SMAD9: variants seen among roughly 807,000 people sequenced by gnomAD.
SMAD9 encodes SMAD family member 9, also known as MAD homolog 9.
Under a neutral mutation model 46.1 loss-of-function variants are expected in SMAD9, and 36 were observed. The ratio of observed to expected loss-of-function variants is 0.78; its 90% CI spans 0.60 to 1.03. SMAD9 has a LOEUF of 1.03. Ranked by LOEUF, SMAD9 falls within the 50% of genes least tolerant of loss-of-function variation. The pLI, the probability that SMAD9 is intolerant of heterozygous loss-of-function variation, is 0.00. For missense variants in SMAD9, 572 were observed against 599.8 expected (o/e 0.95, Z 0.48); for synonymous variants, 245 against 237.1 (o/e 1.03, Z -0.31).
chr13:36,874,526 T>A (rs56199330), intron 2 of SMAD9, among the ~76,000 whole-genome samples: 4,060 of 152,036 alleles, frequency 0.027, 179 homozygotes, highest in African/African-American at 0.092. Flanking sequence ...AATATAGATA[T>A]CAAGGATGAG....
At chr13:36,874,255 T>C (rs2058324009) in intron 2 of SMAD9, among the ~76,000 whole-genome samples, 1 of 152,228 alleles carries the variant, frequency 6.6e-6, no homozygotes, top group Non-Finnish European at 1.5e-5. Context: ...GCTCAATTAA[T>C]GAAGAAAAGA....
At chr13:36,909,937 C>T (rs2058647118) in intron 1 of SMAD9, among the ~76,000 whole-genome samples, 2 of 152,190 alleles carry the variant, frequency 1.3e-5, no homozygotes, top group Admixed American at 1.3e-4. Flanking sequence ...GTGGCTCACG[C>T]CTGTAATCCC....
chr13:36,917,714 A>AG (rs1407216809), intron 1 of SMAD9, among the ~76,000 whole-genome samples: 1 of 152,218 alleles, frequency 6.6e-6, no homozygotes, highest in Non-Finnish European at 1.5e-5. Context: ...CCTGTGGATA[A>AG]GGATTATTTC....
intron 1 of SMAD9, among the ~76,000 whole-genome samples, chr13:36,919,443 C>A (rs1419781703): frequency 6.6e-6 from 1 of 152,176 alleles, no homozygotes; most frequent in African/African-American, 2.4e-5. Flanking sequence ...GGAGACACTT[C>A]AACAACATTC....
intron 6 of SMAD9, 140 bp from the exon 7 acceptor site, chr13:36,848,959 C>A: frequency 1.4e-6 from 1 of 716,942 alleles, no homozygotes; most frequent in Non-Finnish European, 2.3e-6. Context: ...ATGGCCTCTA[C>A]CTTCCTGTAA....
chr13:36,907,319 G>A (rs1429893999), intron 1 of SMAD9, among the ~76,000 whole-genome samples: 2 of 152,200 alleles, frequency 1.3e-5, no homozygotes, highest in African/African-American at 2.4e-5. Flanking sequence ...GGATAGGGTG[G>A]TAGTTGTACA....
In SMAD9 at chr13:36,864,622, G is replaced by C. The variant is rs1332039315; in HGVS notation, c.1003+915C>G. 2.0e-5 allele frequency among the ~76,000 whole-genome samples: 3 copies of C among 152,148 alleles called. No homozygotes were observed. In the South Asian group the frequency reaches 6.2e-4, roughly 32 times the overall value. On this transcript the variant is annotated intron_variant, in intron 5 of 6. Coordinates refer to ENST00000379826, the MANE Select transcript of SMAD9 (RefSeq NM_001127217.3). ...GAATATAAATAAACATAAAGTAACT[G>C]TCTCCATTAAGAGTCAACATCAATG...
chr13:36,860,744 C>G (rs1272850093), intron 5 of SMAD9, among the ~76,000 whole-genome samples: 2 of 152,052 alleles, frequency 1.3e-5, no homozygotes, highest in African/African-American at 2.4e-5. Context: ...TGAGCCACCA[C>G]GCCCGGCCAC....
At chr13:36,902,284 G>C (rs1446183337) in intron 1 of SMAD9, among the ~76,000 whole-genome samples, 1 of 152,104 alleles carries the variant, frequency 6.6e-6, no homozygotes, top group Non-Finnish European at 1.5e-5. Flanking sequence ...GAATGGTCTT[G>C]AAATCCTTGT....
chr13:36,881,737 T>A (rs527991769), intron 1 of SMAD9, among the ~76,000 whole-genome samples: 7 of 152,352 alleles, frequency 4.6e-5, no homozygotes, highest in African/African-American at 1.4e-4. Context: ...CATGAATTTA[T>A]AAAGTATAGT....
intron 2 of SMAD9, 69 bp from the exon 3 acceptor site, chr13:36,872,984 T>C (rs2058310865): frequency 3.9e-6 from 6 of 1,548,892 alleles, no homozygotes; most frequent in East Asian, 2.3e-5. Flanking sequence ...GAGTGGATAC[T>C]TGCTGTTCTT....
rs546683903 is a variant in SMAD9, at chr13:36,852,568, T to C, written c.1260+851A>G. 4 of 984,350 alleles carry C rather than the reference T, an allele frequency of 4.1e-6. No homozygotes were observed. The African/African-American group carries it at 7.0e-5, about 17-fold the overall frequency. The allele number at this position is 984,350 out of a possible 1,614,324, so 61.0% of individuals were successfully genotyped here. A position where few individuals can be genotyped will look rare whatever the true frequency, so the allele number is the denominator to read the frequency against. On this transcript the variant is annotated intron_variant, in intron 6 of 6. Transcript: ENST00000379826. ...TCAACAAATATTCATCAACAGAACA[T>C]ATACTGCTCTCTGAATTAATCACAC...
At chr13:36,895,803 G>A (rs1214760289) in intron 1 of SMAD9, among the ~76,000 whole-genome samples, 3 of 152,104 alleles carry the variant, frequency 2.0e-5, no homozygotes, top group Non-Finnish European at 4.4e-5. Context: ...AGTTACTCAG[G>A]TTGAAGACAT....
rs886050179 is a variant in SMAD9 at position 36,920,197 on chromosome 13, G to C, written c.-268C>G. The C allele has an allele frequency of 2.2e-4, 36 of 162,898 alleles. No individual in the cohort carries two copies. Among genetic ancestry groups the C allele is most frequent in the Non-Finnish European group, 3.5e-4 (28 of 79,928 alleles). 10.1% of individuals were successfully genotyped at this position (162,898 alleles called of 1,614,324 possible). A position where few individuals can be genotyped will look rare whatever the true frequency, so the allele number is the denominator to read the frequency against. On this transcript the variant is annotated 5_prime_UTR_variant, in exon 1 of 7. Coordinates refer to ENST00000379826, the MANE Select transcript of SMAD9 (RefSeq NM_001127217.3). ...GACAGCGGCTGCAGCAGCGGCGGCGGCGGCGGCGGCGGCGGCGGCCCCAGC... is the reference window on the plus strand; with the variant it reads ...GACAGCGGCTGCAGCAGCGGCGGCGCCGGCGGCGGCGGCGGCGGCCCCAGC...
At chr13:36,885,809 T>C (rs2058440258) in intron 1 of SMAD9, among the ~76,000 whole-genome samples, 1 of 152,170 alleles carries the variant, frequency 6.6e-6, no homozygotes, top group South Asian at 2.1e-4. Context: ...TCCATAGGTA[T>C]TCTTCTTTAA....
intron 1 of SMAD9, among the ~76,000 whole-genome samples, chr13:36,919,712 G>A (rs1158955316): frequency 7.4e-6 from 1 of 135,706 alleles, no homozygotes; most frequent in Non-Finnish European, 1.6e-5. Flanking sequence ...GCCGCGGGTC[G>A]AACATCCCCT....
At chr13:36,912,008 G>A (rs534241014) in intron 1 of SMAD9, among the ~76,000 whole-genome samples, 1 of 152,144 alleles carries the variant, frequency 6.6e-6, no homozygotes, top group South Asian at 2.1e-4. Context: ...GCACCCAGTC[G>A]GGGAAGCTCA....
chr13:36,848,550 T>A lies in SMAD9; in HGVS notation c.*126A>T. 1.1e-6 allele frequency: 1 copy of A among 947,602 alleles called. No homozygotes were observed. The highest frequency in any genetic ancestry group is 1.7e-6 in the Non-Finnish European group (1 of 585,804). 58.7% of individuals were successfully genotyped at this position (947,602 alleles called of 1,614,324 possible). A position where few individuals can be genotyped will look rare whatever the true frequency, so the allele number is the denominator to read the frequency against. ...CAAAACAAACGGTGATTAAAAAAAA[T>A]AAGAACAGTATACATTCTATGTATT... On this transcript the variant is annotated 3_prime_UTR_variant, in exon 7 of 7. Coordinates refer to ENST00000379826, the MANE Select transcript of SMAD9 (RefSeq NM_001127217.3).
chr13:36,873,330 T>A (rs534503631), intron 2 of SMAD9, among the ~76,000 whole-genome samples: 1 of 152,190 alleles, frequency 6.6e-6, no homozygotes, highest in Non-Finnish European at 1.5e-5. Context: ...TAAGTCTTTT[T>A]TTCCCCCAAG....
Sources: allele counts gnomAD v4.1 joint callset (sites outside exome capture counted in the v4.1 genomes callset), GRCh38; gene constraint gnomAD v4.1.1; transcripts MANE v1.5; gene names NCBI Gene and HGNC (gene_info 2026-07-23, HGNC 2026-07-21).